The following SMARCA4 variants were observed in gnomAD, a reference collection of about 807,000 sequenced individuals.
SMARCA4 encodes SWI/SNF related BAF chromatin remodeling complex subunit ATPase 4.
In SMARCA4, 31 loss-of-function variants were observed where a neutral mutation model predicts 193.9. That is an observed-to-expected ratio of 0.16 (90% confidence interval 0.12 to 0.22). The LOEUF is 0.22. SMARCA4 is among the 10% of genes least tolerant of loss of function. The probability of loss-of-function intolerance (pLI) is 1.00; values close to 1 mark genes in which losing one functional copy is unlikely to be tolerated. For missense variants in SMARCA4, 1,148 were observed against 2,296.0 expected, an observed-to-expected ratio of 0.50 and a Z score of 10.22; for synonymous variants, 942 against 933.1, an observed-to-expected ratio of 1.01 and a Z score of -0.17.
At chr19:10,963,038 GA>G (rs1280075919) in intron 1 of SMARCA4, among the ~76,000 whole-genome samples, 1 of 152,118 alleles carries the variant, frequency 6.6e-6, no homozygotes, top group Non-Finnish European at 1.5e-5. Context: ...TGGATTGAAT[GA>G]GGGGGTCCTG....
chr19:10,984,506 C>T lies in SMARCA4; in HGVS notation c.222+133C>T. 4 of 1,476,038 alleles carry T rather than the reference C, an allele frequency of 2.7e-6. No individual in the cohort carries two copies. The highest frequency in any genetic ancestry group is 3.7e-6 in the Non-Finnish European group (4 of 1,087,654). 91.4% of individuals were successfully genotyped at this position (1,476,038 alleles called of 1,614,324 possible). On this transcript the variant is annotated intron_variant, in intron 2 of 34. Coordinates refer to ENST00000344626, the MANE Select transcript of SMARCA4 (RefSeq NM_003072.5). The surrounding 1 kb of genome is among the most constrained non-coding windows in gnomAD (Gnocchi z 4.3). Reference sequence around the variant, plus strand: ...TGGAGGTGTCCTGCCTTGGCTCAGCCCCCTACCCCAGGGCCCACGGCCATG... The same window carrying T: ...TGGAGGTGTCCTGCCTTGGCTCAGCTCCCTACCCCAGGGCCCACGGCCATG...
intron 14 of SMARCA4, 150 bp from the exon 15 acceptor site, chr19:11,010,231 C>T: frequency 3.3e-6 from 3 of 913,538 alleles, no homozygotes; most frequent in East Asian, 2.5e-5. Flanking sequence ...CCTGGCCTCA[C>T]ACTGTCCGGC....
intron 1 of SMARCA4, among the ~76,000 whole-genome samples, chr19:10,976,761 A>T (rs1251429030): frequency 6.7e-6 from 1 of 150,338 alleles, no homozygotes; most frequent in African/African-American, 2.5e-5. Flanking sequence ...CTCAAAAAAA[A>T]AAAAAAAATT....
intron 16 of SMARCA4, among the ~76,000 whole-genome samples, chr19:11,017,470 G>A (rs891616881): frequency 6.6e-6 from 1 of 152,268 alleles, no homozygotes; most frequent in African/African-American, 2.4e-5. Flanking sequence ...CAGGCCAGAA[G>A]AGGGCCCGCG....
intron 1 of SMARCA4, among the ~76,000 whole-genome samples, chr19:10,976,052 C>T (rs1303418379): frequency 6.6e-6 from 1 of 152,158 alleles, no homozygotes; most frequent in Non-Finnish European, 1.5e-5. Flanking sequence ...GTGAATTTCC[C>T]CTGCTAGTGA....
rs1451914629 is a variant in SMARCA4, at chr19:11,003,097, C to A, written c.1881C>A (p.Ile627=). The part of the protein sequence containing the change: ...VKVIHVESGK[I]LTGTDAPKAG... ...TGATCCACGTGGAGAGTGGGAAGAT[C>A]CTCACAGGCACAGATGCCCCCAAAG... The change falls in exon 12 of 35, where the codon ATC becomes ATA. Residue 627 remains isoleucine, a synonymous_variant. Coordinates refer to ENST00000344626, the MANE Select transcript of SMARCA4 (RefSeq NM_003072.5). 1 of 1,614,114 alleles carries A rather than the reference C, an allele frequency of 6.2e-7. No homozygotes were observed. Among genetic ancestry groups the A allele is most frequent in the Admixed American group, 1.7e-5 (1 of 60,006 alleles).
rs912854272 is a variant in SMARCA4, at chr19:11,043,004, C to A, written c.4424+1444C>A. On this transcript the variant is annotated intron_variant, in intron 30 of 34. Transcript: ENST00000344626. Reference sequence around the variant, plus strand: ...AAACAAAATACTGCTTAAAAAGGTTCTTTTAGCCAGATGCGGTGGCTCATG... The same window carrying A: ...AAACAAAATACTGCTTAAAAAGGTTATTTTAGCCAGATGCGGTGGCTCATG... 2.0e-5 allele frequency among the ~76,000 whole-genome samples: 3 copies of A among 151,906 alleles called. No individual in the cohort carries two copies. The East Asian group carries it at 5.8e-4, about 29-fold the overall frequency.
intron 1 of SMARCA4, among the ~76,000 whole-genome samples, chr19:10,977,320 T>G (rs1162512958): frequency 1.3e-5 from 2 of 151,976 alleles, no homozygotes; most frequent in Non-Finnish European, 1.5e-5. Flanking sequence ...GAGTTTTTTT[T>G]TGTTTTGTTT....
Position 11,013,090 on chromosome 19 carries a change from T to C in SMARCA4, c.2416T>C (p.Phe806Leu), listed in dbSNP as rs2089010016. Reference protein sequence around the residue: ...LMEHKRINGPFLIIVPLSTLS... With the variant: ...LMEHKRINGPLLIIVPLSTLS... ...GGAGCACAAACGCATCAATGGGCCC[T>C]TCCTCATCATCGTGCCTCTCTCGTG... is the stretch of plus-strand genomic sequence containing the variant. The change falls in exon 16 of 35, where the codon TTC becomes CTC. Residue 806 changes from phenylalanine (F) to leucine (L), a missense_variant. Coordinates refer to ENST00000344626, the MANE Select transcript of SMARCA4 (RefSeq NM_003072.5). The C allele has an allele frequency of 1.2e-6, 2 of 1,607,606 alleles. No homozygotes were observed. Among genetic ancestry groups the C allele is most frequent in the Non-Finnish European group, 1.7e-6 (2 of 1,175,214 alleles).
At position 11,039,413 on chromosome 19, in the gene SMARCA4, T is replaced by G. The variant is rs374537579; in HGVS notation, c.4171-1894T>G. On this transcript the variant is annotated intron_variant, in intron 29 of 34. Coordinates refer to ENST00000344626, the MANE Select transcript of SMARCA4 (RefSeq NM_003072.5). Reference sequence around the variant, plus strand: ...CAAGGGGAGGCTAAATTAGGGCACGTTGTGCACTGAAACACTAAACAGACA... The same window carrying G: ...CAAGGGGAGGCTAAATTAGGGCACGGTGTGCACTGAAACACTAAACAGACA... 2.6e-6 allele frequency: 3 copies of G among 1,164,852 alleles called. No individual in the cohort carries two copies. In the African/African-American group the frequency reaches 4.7e-5, roughly 18 times the overall value. The allele number at this position is 1,164,852 out of a possible 1,614,324, so 72.2% of individuals were successfully genotyped here. A position where few individuals can be genotyped will look rare whatever the true frequency, so the allele number is the denominator to read the frequency against.
At chr19:11,001,547 C>T (rs2087637167) in intron 11 of SMARCA4, among the ~76,000 whole-genome samples, 1 of 152,166 alleles carries the variant, frequency 6.6e-6, no homozygotes, top group South Asian at 2.1e-4. Flanking sequence ...GGGAGGCATG[C>T]AGCAATCGGC....
At chr19:11,037,189 G>T (rs2075316282) in intron 29 of SMARCA4, among the ~76,000 whole-genome samples, 1 of 152,198 alleles carries the variant, frequency 6.6e-6, no homozygotes, top group African/African-American at 2.4e-5. Context: ...GCGTAGAGTT[G>T]CCGGAACAAT....
intron 30 of SMARCA4, among the ~76,000 whole-genome samples, chr19:11,043,802 C>T (rs1376358837): frequency 6.6e-6 from 1 of 152,188 alleles, no homozygotes. Flanking sequence ...GGCAAAACCC[C>T]ATCTCTACAA....
intron 30 of SMARCA4, among the ~76,000 whole-genome samples, chr19:11,045,168 A>C (rs1156848310): frequency 6.6e-6 from 1 of 152,128 alleles, no homozygotes; most frequent in Non-Finnish European, 1.5e-5. Context: ...AAAATACAAA[A>C]AATTAGCCGG....
At chr19:11,003,587 C>T (rs2087870344) in intron 13 of SMARCA4, among the ~76,000 whole-genome samples, 190 bp downstream of exon 13, 1 of 152,166 alleles carries the variant, frequency 6.6e-6, no homozygotes, top group South Asian at 2.1e-4. Flanking sequence ...CGACATGTGA[C>T]CATTTCCATT....
chr19:10,971,506 TC>T (rs373827734), intron 1 of SMARCA4, among the ~76,000 whole-genome samples: 28,954 of 147,932 alleles, frequency 0.2, 3,103 homozygotes, highest in South Asian at 0.25. Context: ...TTTTTTTTTT[TC>T]TCTTTGAGAC....
intron 29 of SMARCA4, among the ~76,000 whole-genome samples, chr19:11,036,878 T>C (rs2075299189): frequency 6.6e-6 from 1 of 152,232 alleles, no homozygotes; most frequent in African/African-American, 2.4e-5. Flanking sequence ...GCGTTTCCTG[T>C]CAGTGGAGTC....
At chr19:10,997,355 C>G (rs527396781) in intron 11 of SMARCA4, among the ~76,000 whole-genome samples, 1 of 152,094 alleles carries the variant, frequency 6.6e-6, no homozygotes, top group Non-Finnish European at 1.5e-5. Context: ...CCTGCTACCA[C>G]GCCCGGCTAA....
In SMARCA4 at chr19:10,986,718, C is replaced by T. The variant is rs1002941538; in HGVS notation, c.760+125C>T. On this transcript the variant is annotated intron_variant, in intron 4 of 34. Coordinates refer to ENST00000344626, the MANE Select transcript of SMARCA4 (RefSeq NM_003072.5). This position sits in a 1 kb window ranked among gnomAD's most constrained non-coding sequence, Gnocchi z 6.7. ...CGGTTTGGGATTGCACGGGCCCATA[C>T]TGCACTTCTGGGTGCTCGGGTGGTG... 7.8e-6 allele frequency: 11 copies of T among 1,413,034 alleles called. No individual in the cohort carries two copies. The highest frequency in any genetic ancestry group is 9.6e-6 in the Non-Finnish European group (10 of 1,039,636). The allele number at this position is 1,413,034 out of a possible 1,614,324, so 87.5% of individuals were successfully genotyped here.
Sources: gnomAD v4.1 joint callset for allele counts (sites outside exome capture counted in the v4.1 genomes callset) on GRCh38, gnomAD v4.1.1 for gene constraint, Gnocchi (gnomAD v3.1) non-coding constraint, MANE v1.5 for transcripts, NCBI Gene and HGNC (gene_info 2026-07-23, HGNC 2026-07-21) for gene names.